SOX6: variants seen among roughly 807,000 people sequenced by gnomAD.
SOX6 encodes the protein transcription factor SOX-6.
A neutral mutation model predicts 97.8 loss-of-function variants in SOX6; 11 were observed. The ratio of observed to expected loss-of-function variants is 0.11; its 90% CI spans 0.07 to 0.19. The LOEUF (loss-of-function observed/expected upper bound fraction) is 0.19, where lower values mean the gene tolerates loss of function less well. Ranked by LOEUF, SOX6 falls within the 10% of genes least tolerant of loss-of-function variation. The probability of loss-of-function intolerance (pLI) is 1.00; values close to 1 mark genes in which losing one functional copy is unlikely to be tolerated. For synonymous variants in SOX6, 360 were observed against 371.4 expected, an observed-to-expected ratio of 0.97 and a Z score of 0.35; for missense variants, 810 against 1,039.5, an observed-to-expected ratio of 0.78 and a Z score of 3.04.
chr11:16,249,866 G>A (rs1419182336), intron 3 of SOX6, among the ~76,000 whole-genome samples: 2 of 152,078 alleles, frequency 1.3e-5, no homozygotes, highest in Non-Finnish European at 2.9e-5. Flanking sequence ...TATATTACGA[G>A]GTTAATTCCA....
chr11:16,188,180 A>G (rs1437096573), intron 4 of SOX6, among the ~76,000 whole-genome samples: 2 of 150,650 alleles, frequency 1.3e-5, no homozygotes, highest in Non-Finnish European at 2.9e-5. Context: ...TCAACAGAGA[A>G]GCTACCACAT....
intron 15 of SOX6, among the ~76,000 whole-genome samples, chr11:15,984,520 T>C (rs1853766383): frequency 6.6e-6 from 1 of 152,338 alleles, no homozygotes; most frequent in East Asian, 1.9e-4. Flanking sequence ...AGAGAATGTT[T>C]ATCACATAAT....
chr11:16,140,111 C>G (rs987409048), intron 6 of SOX6, among the ~76,000 whole-genome samples: 7 of 151,846 alleles, frequency 4.6e-5, no homozygotes, highest in Admixed American at 2.6e-4. Flanking sequence ...TTACATATTA[C>G]CAACCAATCT....
At chr11:16,124,980 C>T (rs527822536) in intron 6 of SOX6, among the ~76,000 whole-genome samples, 13 of 152,094 alleles carry the variant, frequency 8.5e-5, no homozygotes, top group African/African-American at 2.9e-4. Flanking sequence ...TATATATCCT[C>T]TCCGCTCAAG....
chr11:16,108,951 G>A (rs985640183), intron 7 of SOX6, among the ~76,000 whole-genome samples: 2 of 152,008 alleles, frequency 1.3e-5, no homozygotes, highest in South Asian at 4.1e-4. Context: ...TTGCTCTCTG[G>A]AAATTAAGAT....
intron 4 of SOX6, among the ~76,000 whole-genome samples, chr11:16,481,736 T>C (rs1270353233): frequency 1.3e-5 from 2 of 152,194 alleles, no homozygotes; most frequent in African/African-American, 2.4e-5. Flanking sequence ...TTGGAGATCA[T>C]TGAGTCCAGT....
At chr11:16,466,014 CT>C (rs1860024138) in intron 1 of SOX6, among the ~76,000 whole-genome samples, 1 of 152,118 alleles carries the variant, frequency 6.6e-6, no homozygotes, top group Non-Finnish European at 1.5e-5. Context: ...CATGAACAAA[CT>C]TTTTTGAATA....
chr11:16,539,241 G>A (rs1399154677), intron 4 of SOX6, among the ~76,000 whole-genome samples: 2 of 151,224 alleles, frequency 1.3e-5, no homozygotes, highest in African/African-American at 4.8e-5. Flanking sequence ...AAATAACGAA[G>A]GCAGAAATAA....
Position 16,105,866 on chromosome 11 carries a change from T to A in SOX6, c.898+5937A>T, listed in dbSNP as rs536326727. Among the ~76,000 whole-genome samples, 24 of 152,222 alleles carry A rather than the reference T, an allele frequency of 1.6e-4. No individual in the cohort carries two copies. The East Asian group carries it at 4.3e-3, about 27-fold the overall frequency. ...ATAAATTCAGCAAAGTTGCAGAGTA[T>A]AAGCTTAACACGCAAGTATCAGCTG... On this transcript the variant is annotated intron_variant, in intron 7 of 15. Transcript: ENST00000683767.
intron 12 of SOX6, among the ~76,000 whole-genome samples, chr11:16,029,212 T>C (rs936732251): frequency 1.3e-5 from 2 of 152,204 alleles, no homozygotes; most frequent in African/African-American, 4.8e-5. Flanking sequence ...CTCTAGGACA[T>C]GGGCTCAATA....
chr11:16,230,135 C>T (rs1460050775), intron 4 of SOX6, among the ~76,000 whole-genome samples: 2 of 151,472 alleles, frequency 1.3e-5, no homozygotes, highest in Non-Finnish European at 3.0e-5. Context: ...TTTTAATAGA[C>T]CAAACTCCTA....
intron 4 of SOX6, among the ~76,000 whole-genome samples, chr11:16,531,177 G>A (rs181165575): frequency 6.6e-6 from 1 of 150,678 alleles, no homozygotes; most frequent in East Asian, 1.9e-4. Flanking sequence ...TAGAGAGAAA[G>A]AGAGAAAGGA....
In SOX6 at chr11:16,341,036, G is replaced by T; in HGVS notation, c.213C>A (p.Ser71Arg). The stretch of plus-strand genomic sequence containing the variant: ...CCATTCTTTGCTGAGATGACAGAAC[G>T]CTGTCCCAGTCAGCATCTTGTTGAA... Reference protein sequence around the residue: ...STIQQDADWDSVLSSQQRMES... With the variant: ...STIQQDADWDRVLSSQQRMES... Residue 71 changes from serine to arginine, a missense_variant, in exon 2 of 16, where the codon AGC becomes AGA. Ser to Arg is a moderately radical substitution (Grantham distance 110, BLOSUM62 -1). This residue lies in a region of SOX6 where 100 missense variants were observed against 94.6 expected (regional missense o/e 1.06). Coordinates refer to ENST00000683767, the MANE Select transcript of SOX6 (RefSeq NM_001367873.1). The T allele has an allele frequency of 1.2e-6, 2 of 1,613,304 alleles. No homozygotes were observed. Among genetic ancestry groups the T allele is most frequent in the South Asian group, 1.1e-5 (1 of 91,064 alleles).
intron 3 of SOX6, among the ~76,000 whole-genome samples, chr11:16,677,823 C>G (rs370147902): frequency 2.0e-5 from 3 of 152,162 alleles, no homozygotes; most frequent in East Asian, 3.8e-4. Flanking sequence ...GTGAAGCTAT[C>G]TGGCACTGGA....
intron 3 of SOX6, among the ~76,000 whole-genome samples, chr11:16,669,941 C>T (rs1474026474): frequency 6.6e-6 from 1 of 152,152 alleles, no homozygotes; most frequent in African/African-American, 2.4e-5. Context: ...TACAACCTAA[C>T]AACCCTCAAA....
intron 2 of SOX6, among the ~76,000 whole-genome samples, chr11:16,729,390 AC>A (rs1848331963): frequency 6.6e-6 from 1 of 152,162 alleles, no homozygotes; most frequent in Admixed American, 6.6e-5. Flanking sequence ...CTCTGCAGAA[AC>A]CCTACAAGCC....
rs1413490349 is a variant in SOX6 at position 16,132,338 on chromosome 11, A to AG, written c.778-20416_778-20415insC. On this transcript the variant is annotated intron_variant, in intron 6 of 15. Transcript: ENST00000683767. ...AGGAAGGAAGGAAGGAAGGAAAGAA[A>AG]AAAGAAAGAAAGAAAGAAAGAAAGA... Among the ~76,000 whole-genome samples, 152 of 40,580 alleles carry AG rather than the reference A, an allele frequency of 3.7e-3. 5 individuals are homozygous for AG. The highest frequency in any genetic ancestry group is 7.6e-3 in the African/African-American group (71 of 9,332). The allele number at this position is 40,580 out of a possible 152,430, so 26.6% of individuals were successfully genotyped here. A position where few individuals can be genotyped will look rare whatever the true frequency, so the allele number is the denominator to read the frequency against.
intron 3 of SOX6, among the ~76,000 whole-genome samples, chr11:16,665,471 A>T (rs1847800352): frequency 1.3e-5 from 2 of 152,158 alleles, no homozygotes; most frequent in African/African-American, 4.8e-5. Flanking sequence ...AAGGGGGGAA[A>T]ACAGTGGGAA....
chr11:16,398,021 A>T (rs1177655677), intron 1 of SOX6, among the ~76,000 whole-genome samples: 1 of 151,572 alleles, frequency 6.6e-6, no homozygotes, highest in Admixed American at 6.6e-5. Context: ...TTATCCTACA[A>T]TAAATGTCAT....
Sources: allele counts gnomAD v4.1 joint callset (sites outside exome capture counted in the v4.1 genomes callset), GRCh38; gene constraint gnomAD v4.1.1; regional missense constraint gnomAD v4.1.1; transcripts MANE v1.5; gene names NCBI Gene and HGNC (gene_info 2026-07-23, HGNC 2026-07-21).